Variants in STK32C observed in about 807,000 individuals in gnomAD.
The protein encoded by STK32C is serine/threonine-protein kinase 32C.
In STK32C, 31 loss-of-function variants were observed where a neutral mutation model predicts 56.5. The ratio of observed to expected loss-of-function variants is 0.55; its 90% CI spans 0.41 to 0.74. STK32C has a LOEUF of 0.74. Among genes scored for constraint, STK32C ranks in the 30% least tolerant of loss-of-function variants. The pLI is 0.00. For synonymous variants in STK32C, 309 were observed against 289.4 expected (o/e 1.07, Z -0.69); for missense variants, 544 against 676.9 (o/e 0.80, Z 2.18).
intron 1 of STK32C, among the ~76,000 whole-genome samples, chr10:132,277,636 C>A (rs1357617644): frequency 6.6e-6 from 1 of 152,204 alleles, no homozygotes; most frequent in Non-Finnish European, 1.5e-5. Flanking sequence ...ACAGCGGCAG[C>A]CTTTGGGACA....
chr10:132,231,292 C>T (rs1565086650), intron 2 of STK32C, among the ~76,000 whole-genome samples: 1 of 78,224 alleles, frequency 1.3e-5, no homozygotes, highest in African/African-American at 3.4e-5. Context: ...GGGAAACAAA[C>T]TGCCTGGATG....
chr10:132,264,702 TGGGGCACACCCCCACA>T (rs1398382722), intron 1 of STK32C, among the ~76,000 whole-genome samples: 1 of 151,948 alleles, frequency 6.6e-6, no homozygotes, highest in Non-Finnish European at 1.5e-5. Context: ...GGGGCTCGCA[TGGGGCACACCCCCACA>T]GGGCCTGTCA....
intron 1 of STK32C, among the ~76,000 whole-genome samples, chr10:132,304,670 T>G (rs2066004796): frequency 6.6e-6 from 1 of 152,330 alleles, no homozygotes; most frequent in East Asian, 1.9e-4. Flanking sequence ...GCATAAAGTA[T>G]AGAATGTTTT....
At chr10:132,253,172 A>T (rs1473640506) in intron 1 of STK32C, among the ~76,000 whole-genome samples, 1 of 152,248 alleles carries the variant, frequency 6.6e-6, no homozygotes. Flanking sequence ...CAAAATAACC[A>T]AAGAAAAGGC....
chr10:132,230,750 C>T (rs922403198), intron 2 of STK32C, among the ~76,000 whole-genome samples: 1 of 150,944 alleles, frequency 6.6e-6, no homozygotes, highest in Non-Finnish European at 1.5e-5. Flanking sequence ...AGGCCGTCTT[C>T]AGCCGGTCCC....
chr10:132,249,339 C>T (rs937149919), intron 1 of STK32C, among the ~76,000 whole-genome samples: 10 of 152,268 alleles, frequency 6.6e-5, no homozygotes, highest in Middle Eastern at 6.8e-3. Context: ...AGGGCAGCCA[C>T]AGGGACACCA....
chr10:132,296,257 C>T (rs1463219725), intron 1 of STK32C, among the ~76,000 whole-genome samples: 1 of 151,734 alleles, frequency 6.6e-6, no homozygotes, highest in Non-Finnish European at 1.5e-5. Context: ...GAAACGGTCA[C>T]AGCACGGAGT....
chr10:132,273,908 G>A (rs2064916309), intron 1 of STK32C, among the ~76,000 whole-genome samples: 1 of 152,208 alleles, frequency 6.6e-6, no homozygotes, highest in Non-Finnish European at 1.5e-5. Context: ...CACTATGCGT[G>A]TGCTGACCCC....
At chr10:132,286,193 A>G (rs558331143) in intron 1 of STK32C, among the ~76,000 whole-genome samples, 43 of 152,204 alleles carry the variant, frequency 2.8e-4, no homozygotes, top group Admixed American at 7.2e-4. Flanking sequence ...AAATGGACAA[A>G]ACTCATTCCT....
chr10:132,277,686 G>A (rs1049306836), intron 1 of STK32C, among the ~76,000 whole-genome samples: 1 of 152,190 alleles, frequency 6.6e-6, no homozygotes, highest in African/African-American at 2.4e-5. Flanking sequence ...GACTTTATTC[G>A]ACCTTGACCC....
intron 1 of STK32C, among the ~76,000 whole-genome samples, chr10:132,268,968 TG>T: frequency 6.6e-6 from 1 of 151,072 alleles, no homozygotes; most frequent in Non-Finnish European, 1.5e-5. Context: ...TGTGTGTGTG[TG>T]TGTCGGTGTG....
At chr10:132,267,561 G>A (rs2064595152) in intron 1 of STK32C, among the ~76,000 whole-genome samples, 1 of 150,128 alleles carries the variant, frequency 6.7e-6, no homozygotes, top group East Asian at 2.0e-4. Flanking sequence ...CTGTGTGCAT[G>A]CAAGTCCCAC....
chr10:132,305,869 C>T (rs983596788), intron 1 of STK32C, among the ~76,000 whole-genome samples: 1 of 152,174 alleles, frequency 6.6e-6, no homozygotes, highest in African/African-American at 2.4e-5. Flanking sequence ...AGCTGAGTCC[C>T]GGCGGGTGCT....
At chr10:132,295,872 G>A (rs2065729822) in intron 1 of STK32C, among the ~76,000 whole-genome samples, 2 of 151,834 alleles carry the variant, frequency 1.3e-5, no homozygotes, top group South Asian at 4.2e-4. Flanking sequence ...GACGGAGCAA[G>A]ATTCCATCTT....
chr10:132,298,963 T>C (rs191067347), intron 1 of STK32C, among the ~76,000 whole-genome samples: 113 of 152,310 alleles, frequency 7.4e-4, no homozygotes, highest in African/African-American at 2.6e-3. Context: ...TGTGGGCCAC[T>C]AGGCTATGAG....
intron 10 of STK32C, among the ~76,000 whole-genome samples, chr10:132,213,387 CAG>C (rs1251513551): frequency 1.3e-5 from 2 of 152,226 alleles, no homozygotes; most frequent in Admixed American, 1.3e-4. Flanking sequence ...GGGATTCCAG[CAG>C]AGAGGGCCAC....
At chr10:132,246,668 T>A (rs1362709519) in intron 1 of STK32C, among the ~76,000 whole-genome samples, 1 of 152,234 alleles carries the variant, frequency 6.6e-6, no homozygotes, top group East Asian at 1.9e-4. Flanking sequence ...TCGTGAGACC[T>A]GTCCGTGTGC....
chr10:132,245,387 G>A (rs970212432), intron 2 of STK32C, among the ~76,000 whole-genome samples: 12 of 152,234 alleles, frequency 7.9e-5, no homozygotes, highest in African/African-American at 2.2e-4. Flanking sequence ...ATTACAAGGC[G>A]GCAATCAGGA....
At chr10:132,269,164 TGTGC>T (rs892152760) in intron 1 of STK32C, among the ~76,000 whole-genome samples, 1 of 151,372 alleles carries the variant, frequency 6.6e-6, no homozygotes, top group African/African-American at 2.4e-5. Context: ...TTGCATCGTG[TGTGC>T]ATGTGTCACA....
Sources: gnomAD v4.1 joint callset for allele counts (sites outside exome capture counted in the v4.1 genomes callset) on GRCh38, gnomAD v4.1.1 for gene constraint, MANE v1.5 for transcripts, NCBI Gene and HGNC (gene_info 2026-07-23, HGNC 2026-07-21) for gene names.